Variants in KIAA1217 observed in about 807,000 individuals in gnomAD.
KIAA1217 encodes the protein KIAA1217, also known as sickle tail protein homolog.
In KIAA1217, 88 loss-of-function variants were observed where a neutral mutation model predicts 163.9. That is an observed-to-expected ratio of 0.54 (90% CI 0.45 to 0.64). The LOEUF is 0.64. Among genes scored for constraint, KIAA1217 ranks in the 30% least tolerant of loss-of-function variants. The pLI is 0.00. For synonymous variants in KIAA1217, 903 were observed against 923.1 expected (o/e 0.98, Z 0.39); for missense variants, 2,372 against 2,475.0 (o/e 0.96, Z 0.88).
chr10:23,845,087 G>A (rs562482038), intron 1 of KIAA1217, among the ~76,000 whole-genome samples: 15 of 152,176 alleles, frequency 9.9e-5, no homozygotes, highest in South Asian at 6.2e-4. Flanking sequence ...TTATGACTGC[G>A]TAGTATTCCG....
chr10:24,170,845 C>G (rs766346098), intron 2 of KIAA1217, among the ~76,000 whole-genome samples: 53 of 152,220 alleles, frequency 3.5e-4, no homozygotes, highest in Non-Finnish European at 6.5e-4. Flanking sequence ...CTCCCTGGAA[C>G]TGGCTTATGA....
intron 2 of KIAA1217, among the ~76,000 whole-genome samples, chr10:24,068,272 G>A (rs1231336082): frequency 6.6e-6 from 1 of 152,136 alleles, no homozygotes; most frequent in Non-Finnish European, 1.5e-5. Flanking sequence ...TTTCTATTCA[G>A]CCATCTTAGC....
At chr10:23,804,560 C>G (rs1836645765) in intron 1 of KIAA1217, among the ~76,000 whole-genome samples, 1 of 152,150 alleles carries the variant, frequency 6.6e-6, no homozygotes, top group Non-Finnish European at 1.5e-5. Flanking sequence ...GCATACATGG[C>G]CAGTATGAAC....
At chr10:24,065,558 C>G (rs528766187) in intron 2 of KIAA1217, among the ~76,000 whole-genome samples, 16 of 152,206 alleles carry the variant, frequency 1.1e-4, no homozygotes, top group African/African-American at 3.9e-4. Context: ...TGCTTTACTT[C>G]CAACTATGTG....
At chr10:24,278,770 C>G (rs1436495240) in intron 2 of KIAA1217, among the ~76,000 whole-genome samples, 1 of 151,960 alleles carries the variant, frequency 6.6e-6, no homozygotes, top group Non-Finnish European at 1.5e-5. Context: ...CCACTCACTT[C>G]CTTGTTTTTA....
At chr10:24,102,618 T>A (rs2131721456) in intron 2 of KIAA1217, among the ~76,000 whole-genome samples, 1 of 152,320 alleles carries the variant, frequency 6.6e-6, no homozygotes, top group Admixed American at 6.5e-5. Context: ...GTCGAAGGAC[T>A]GACATTCCCC....
intron 1 of KIAA1217, among the ~76,000 whole-genome samples, chr10:23,972,234 CCAT>C (rs974328410): frequency 1.3e-5 from 2 of 152,160 alleles, no homozygotes; most frequent in African/African-American, 4.8e-5. Flanking sequence ...ACCAGAAATA[CCAT>C]TTATCCCAGC....
chr10:24,332,162 C>T (rs892782549), intron 2 of KIAA1217, among the ~76,000 whole-genome samples: 1 of 152,132 alleles, frequency 6.6e-6, no homozygotes, highest in African/African-American at 2.4e-5. Context: ...TTTCAAGAGT[C>T]TGGTAATATT....
At chr10:24,049,310 A>G (rs1013246192) in intron 2 of KIAA1217, among the ~76,000 whole-genome samples, 1 of 152,170 alleles carries the variant, frequency 6.6e-6, no homozygotes, top group African/African-American at 2.4e-5. Context: ...AGAAGCATGA[A>G]TCACTGTGGA....
At chr10:24,149,634 G>A (rs1024677961) in intron 2 of KIAA1217, among the ~76,000 whole-genome samples, 2 of 151,898 alleles carry the variant, frequency 1.3e-5, no homozygotes, top group Admixed American at 6.6e-5. Flanking sequence ...AAGGATGAAG[G>A]GAAGTTAAGG....
Position 24,248,045 on chromosome 10 carries a change from A to C in KIAA1217, c.354+28136A>C, listed in dbSNP as rs558777063. ...GTGGCTGAGATGGTACCTTCATCTC[A>C]CACACCTACGCAGGAGTGCATTTGT... On this transcript the variant is annotated intron_variant, in intron 2 of 20. Transcript: ENST00000376454. 2.6e-5 allele frequency among the ~76,000 whole-genome samples: 4 copies of C among 152,318 alleles called. No individual in the cohort carries two copies. The East Asian group carries it at 7.7e-4, about 29-fold the overall frequency.
intron 2 of KIAA1217, among the ~76,000 whole-genome samples, chr10:24,127,624 C>T (rs544424843): frequency 3.3e-4 from 51 of 152,272 alleles, no homozygotes. Context: ...CTTTCTGCTA[C>T]TCACCATAGG....
chr10:24,050,128 C>T (rs569354181), intron 2 of KIAA1217, among the ~76,000 whole-genome samples: 19 of 152,234 alleles, frequency 1.2e-4, no homozygotes, highest in Admixed American at 2.0e-4. Context: ...CTGTTCATAT[C>T]CTTCGCCCAC....
intron 1 of KIAA1217, among the ~76,000 whole-genome samples, chr10:23,963,522 A>G (rs1230940863): frequency 6.6e-6 from 1 of 152,154 alleles, no homozygotes; most frequent in Non-Finnish European, 1.5e-5. Context: ...TCATTAATGG[A>G]CATGTGGGTT....
At chr10:23,846,885 T>TC (rs1839058665) in intron 1 of KIAA1217, among the ~76,000 whole-genome samples, 1 of 152,160 alleles carries the variant, frequency 6.6e-6, no homozygotes, top group African/African-American at 2.4e-5. Flanking sequence ...CATAAATAGC[T>TC]CCTATTATTT....
chr10:24,441,466 C>T (rs979780348), intron 5 of KIAA1217, among the ~76,000 whole-genome samples: 1 of 152,104 alleles, frequency 6.6e-6, no homozygotes, highest in Non-Finnish European at 1.5e-5. Flanking sequence ...AACAGTCTTC[C>T]CAGAGCGGTT....
intron 2 of KIAA1217, among the ~76,000 whole-genome samples, chr10:24,240,097 G>A (rs1319424950): frequency 2.0e-5 from 3 of 152,100 alleles, no homozygotes; most frequent in Non-Finnish European, 2.9e-5. Context: ...TGTTTGCTTC[G>A]GCTGCCAGTG....
intron 1 of KIAA1217, among the ~76,000 whole-genome samples, chr10:23,970,097 G>A (rs896178217): frequency 3.3e-5 from 5 of 152,184 alleles, no homozygotes; most frequent in Non-Finnish European, 7.4e-5. Context: ...AATTATGGGA[G>A]CTATAGTTCA....
intron 1 of KIAA1217, among the ~76,000 whole-genome samples, chr10:23,728,959 C>G (rs998997439): frequency 6.6e-6 from 1 of 152,230 alleles, no homozygotes; most frequent in African/African-American, 2.4e-5. Flanking sequence ...TCTATTCACC[C>G]CTTCCCCCAC....
Sources: allele counts gnomAD v4.1 joint callset (sites outside exome capture counted in the v4.1 genomes callset), GRCh38; gene constraint gnomAD v4.1.1; transcripts MANE v1.5; gene names NCBI Gene and HGNC (gene_info 2026-07-23, HGNC 2026-07-21).